The following STPG2 variants were observed in gnomAD, a reference collection of about 807,000 sequenced individuals.
STPG2 encodes sperm-tail PG-rich repeat-containing protein 2.
A neutral mutation model predicts 54.2 loss-of-function variants in STPG2; 56 were observed. The ratio of observed to expected loss-of-function variants is 1.03; its 90% CI spans 0.83 to 1.29. The LOEUF is 1.29. STPG2 is among the 50% of genes most tolerant of loss of function. The pLI is 0.00. For missense variants in STPG2, 596 were observed against 544.9 expected (o/e 1.09, Z -0.93); for synonymous variants, 200 against 181.8 (o/e 1.10, Z -0.81).
At chr4:98,051,116 T>C (rs553962552) in intron 5 of STPG2, among the ~76,000 whole-genome samples, 68 of 150,868 alleles carry the variant, frequency 4.5e-4, no homozygotes, top group African/African-American at 1.7e-3. Flanking sequence ...TGAATCCTGT[T>C]CACATCTTTG....
At chr4:98,096,036 A>G (rs528907138) in intron 5 of STPG2, among the ~76,000 whole-genome samples, 1 of 152,370 alleles carries the variant, frequency 6.6e-6, no homozygotes, top group Admixed American at 6.5e-5. Context: ...AACACATGGA[A>G]ATTAAGCAAT....
intron 9 of STPG2, among the ~76,000 whole-genome samples, chr4:97,742,856 T>C (rs943599852): frequency 6.6e-6 from 1 of 151,586 alleles, no homozygotes; most frequent in South Asian, 2.1e-4. Flanking sequence ...AGGATGATAG[T>C]TAATAATATT....
intron 10 of STPG2, among the ~76,000 whole-genome samples, chr4:97,634,902 T>C (rs1435164051): frequency 6.6e-6 from 1 of 152,056 alleles, no homozygotes; most frequent in Non-Finnish European, 1.5e-5. Context: ...TGGAACCAAG[T>C]TGGAAAACAC....
chr4:98,014,875 G>A (rs1021877908), intron 5 of STPG2, among the ~76,000 whole-genome samples: 1 of 152,018 alleles, frequency 6.6e-6, no homozygotes, highest in Non-Finnish European at 1.5e-5. Context: ...GCTTTGGAAG[G>A]TATAATATTC....
chr4:97,585,669 T>C lies in STPG2; in HGVS notation c.1321-26552A>G, dbSNP rs1384348710. 5.3e-5 allele frequency among the ~76,000 whole-genome samples: 8 copies of C among 151,942 alleles called. No homozygotes were observed. The East Asian group carries it at 1.5e-3, about 29-fold the overall frequency. On this transcript the variant is annotated intron_variant, in intron 10 of 10. Transcript: ENST00000295268. Reference sequence around the variant, plus strand: ...AGGTTCCCCTATCACTCTGGGAGAATGCTCATGGCCTAGTCCAGGAATCAG... The same window carrying C: ...AGGTTCCCCTATCACTCTGGGAGAACGCTCATGGCCTAGTCCAGGAATCAG...
chr4:97,908,805 A>G (rs1731555259), intron 8 of STPG2, among the ~76,000 whole-genome samples: 2 of 149,500 alleles, frequency 1.3e-5, no homozygotes, highest in African/African-American at 4.9e-5. Context: ...CATAGGTGGG[A>G]ATTGAACAAT....
At chr4:97,616,051 C>CATATAA (rs1470422835) in intron 10 of STPG2, among the ~76,000 whole-genome samples, 1 of 23,250 alleles carries the variant, frequency 4.3e-5, no homozygotes. Context: ...AAAAAAAATA[C>CATATAA]ATATAAATAT....
intron 5 of STPG2, among the ~76,000 whole-genome samples, chr4:98,078,121 G>C (rs1017533634): frequency 1.3e-5 from 2 of 152,118 alleles, no homozygotes; most frequent in African/African-American, 4.8e-5. Flanking sequence ...GAGCAAAAGA[G>C]AACGCTCATG....
intron 5 of STPG2, among the ~76,000 whole-genome samples, chr4:98,039,368 TA>T (rs2149305754): frequency 1.5e-5 from 1 of 67,760 alleles, no homozygotes; most frequent in African/African-American, 6.2e-5. Context: ...TATGACCATT[TA>T]TTTAACTTTC....
At chr4:98,099,996 A>C (rs972426018) in intron 5 of STPG2, among the ~76,000 whole-genome samples, 1 of 152,176 alleles carries the variant, frequency 6.6e-6, no homozygotes, top group African/African-American at 2.4e-5. Flanking sequence ...ATATCAAAAT[A>C]GCTCATGTAC....
At chr4:97,605,896 A>G (rs1733580576) in intron 10 of STPG2, among the ~76,000 whole-genome samples, 1 of 151,792 alleles carries the variant, frequency 6.6e-6, no homozygotes, top group South Asian at 2.1e-4. Context: ...ACGTTCCACA[A>G]AAAAAATTAT....
intron 5 of STPG2, among the ~76,000 whole-genome samples, chr4:98,064,692 C>T (rs1414804815): frequency 6.6e-6 from 1 of 152,138 alleles, no homozygotes; most frequent in East Asian, 1.9e-4. Flanking sequence ...AAGTTGCATA[C>T]TTGCAAAATA....
intron 8 of STPG2, among the ~76,000 whole-genome samples, chr4:97,909,475 A>G (rs6813356): frequency 0.17 from 25,091 of 152,060 alleles, 2,247 homozygotes; most frequent in East Asian, 0.36. Flanking sequence ...GACCATAACC[A>G]TGACATCAAA....
rs75326963 is a variant in STPG2 at position 97,745,263 on chromosome 4, C to CA, written c.1205-32450dup. ...TAAAACTAAAAAAAAAACAAAAAAA[C>CA]AAAAAAAAAAACAATTGCAGAAAAG... is the stretch of plus-strand genomic sequence containing the variant. On this transcript the variant is annotated intron_variant, in intron 9 of 10. Transcript: ENST00000295268. Among the ~76,000 whole-genome samples, 757 of 101,114 alleles carry CA rather than the reference C, an allele frequency of 7.5e-3. 6 individuals carry two copies. The highest frequency in any genetic ancestry group is 0.018 in the African/African-American group (587 of 32,624). The allele number at this position is 101,114 out of a possible 152,430, so 66.3% of individuals were successfully genotyped here. A position where few individuals can be genotyped will look rare whatever the true frequency, so the allele number is the denominator to read the frequency against.
chr4:97,797,888 A>T (rs1727253399), intron 9 of STPG2, among the ~76,000 whole-genome samples: 1 of 152,164 alleles, frequency 6.6e-6, no homozygotes, highest in Non-Finnish European at 1.5e-5. Flanking sequence ...CTATTAAGGA[A>T]TTCAACTTCT....
chr4:97,676,125 T>C (rs1313265092), intron 10 of STPG2, among the ~76,000 whole-genome samples: 1 of 148,904 alleles, frequency 6.7e-6, no homozygotes, highest in Non-Finnish European at 1.5e-5. Context: ...TGTATATATA[T>C]ATTTTTTTGC....
chr4:97,998,123 CA>C (rs904329869), intron 5 of STPG2, among the ~76,000 whole-genome samples: 2 of 152,116 alleles, frequency 1.3e-5, no homozygotes, highest in African/African-American at 4.8e-5. Context: ...AGATTGTCTA[CA>C]AAGGTGGTCA....
At chr4:98,062,419 A>T (rs772661445) in intron 5 of STPG2, among the ~76,000 whole-genome samples, 4 of 152,146 alleles carry the variant, frequency 2.6e-5, no homozygotes, top group Non-Finnish European at 5.9e-5. Context: ...CGATGTAACA[A>T]ACTTTCGCAT....
intron 10 of STPG2, among the ~76,000 whole-genome samples, chr4:97,575,236 C>T (rs1455214816): frequency 2.0e-5 from 3 of 152,038 alleles, no homozygotes; most frequent in Non-Finnish European, 4.4e-5. Flanking sequence ...ACCAATTCTT[C>T]TGAAACCATT....
Sources: gnomAD v4.1 joint callset for allele counts (sites outside exome capture counted in the v4.1 genomes callset) on GRCh38, gnomAD v4.1.1 for gene constraint, MANE v1.5 for transcripts, NCBI Gene and HGNC (gene_info 2026-07-23, HGNC 2026-07-21) for gene names.